GSDME: variants seen among roughly 807,000 people sequenced by gnomAD.
GSDME encodes gasdermin E, also known as gasdermin-E.
GSDME carries 44 observed loss-of-function variants against 47.5 expected under a neutral mutation model. The ratio of observed to expected loss-of-function variants is 0.93; its 90% CI spans 0.73 to 1.19. The LOEUF is 1.19. Ranked by LOEUF, GSDME falls within the 50% of genes most tolerant of loss-of-function variation. The pLI is 0.00. For missense variants in GSDME, 663 were observed against 604.2 expected (o/e 1.10, Z -1.02); for synonymous variants, 258 against 252.8 (o/e 1.02, Z -0.20).
At chr7:24,759,230 A>AT (rs1791125700), upstream of GSDME, among the ~76,000 whole-genome samples, 1 of 152,192 alleles carries the variant, frequency 6.6e-6, no homozygotes. Flanking sequence ...AGATTATTGC[A>AT]TCCCCCGCTA....
intron 1 of GSDME, among the ~76,000 whole-genome samples, chr7:24,752,938 C>T (rs1319905043): frequency 6.6e-6 from 1 of 151,990 alleles, no homozygotes; most frequent in African/African-American, 2.4e-5. Flanking sequence ...CACCAATCCT[C>T]CCCCACAGGG....
the GSDME span, among the ~76,000 whole-genome samples, chr7:24,776,175 C>T: frequency 1.1e-5 from 1 of 93,248 alleles, no homozygotes; most frequent in African/African-American, 4.8e-5. Flanking sequence ...AGTGAAACTC[C>T]ATCTCAAAAA....
chr7:24,735,796 TAAATAAATA>T lies in GSDME; in HGVS notation c.404+8757_404+8765del, dbSNP rs1344888267. On this transcript the variant is annotated intron_variant, in intron 3 of 9. Transcript: ENST00000645220. This position sits in a 1 kb window ranked among gnomAD's most constrained non-coding sequence, Gnocchi z 4.4. ...ATAAATAAATAAATAAATAAATAAA[TAAATAAATA>T]AAACTACAAAAACTTTTCAAGACAT... 7.3e-6 allele frequency among the ~76,000 whole-genome samples: 1 copy of T among 137,714 alleles called. No homozygotes were observed. Among genetic ancestry groups the T allele is most frequent in the Admixed American group, 7.4e-5 (1 of 13,494 alleles). The allele number at this position is 137,714 out of a possible 152,430, so 90.3% of individuals were successfully genotyped here.
At chr7:24,741,742 C>T (rs140436342) in intron 3 of GSDME, among the ~76,000 whole-genome samples, 5 of 152,282 alleles carry the variant, frequency 3.3e-5, no homozygotes, top group Admixed American at 2.0e-4. Flanking sequence ...GTATCAACAA[C>T]GCCTTATCAA....
chr7:24,732,441 A>G lies in GSDME; in HGVS notation c.404+12121T>C, dbSNP rs193224241. 1.6e-4 allele frequency among the ~76,000 whole-genome samples: 25 copies of G among 152,340 alleles called. No individual in the cohort carries two copies. Among genetic ancestry groups the G allele is most frequent in the Admixed American group, 1.6e-3 (24 of 15,298 alleles). On this transcript the variant is annotated intron_variant, in intron 3 of 9. Coordinates refer to ENST00000645220, the MANE Select transcript of GSDME (RefSeq NM_001127453.2). The surrounding 1 kb of genome is among the most constrained non-coding windows in gnomAD (Gnocchi z 4.8). ...GGAACACCAAAGTCAACAACTATCT[A>G]TATAAAAAAGCACCTTCATCAGAAC... is the stretch of plus-strand genomic sequence containing the variant.
the GSDME span, among the ~76,000 whole-genome samples, chr7:24,795,147 G>A: frequency 3.6e-3 from 541 of 152,248 alleles, 1 homozygote; most frequent in African/African-American, 0.013. Flanking sequence ...CAGCCGCTGC[G>A]TTAATCCTCC....
At chr7:24,701,811 T>C (rs1156764613) in intron 9 of GSDME, among the ~76,000 whole-genome samples, 2 of 152,214 alleles carry the variant, frequency 1.3e-5, no homozygotes, top group Admixed American at 1.3e-4. Flanking sequence ...AATCTTTCAG[T>C]TGTGATACCT....
rs140654275 is a variant in GSDME at position 24,721,331 on chromosome 7, A to G, written c.405-2113T>C. ...TGGTTAAGGAAATTCAAATTATAAA[A>G]ATGTCTCACACGTGATAAAAATACA... is the stretch of plus-strand genomic sequence containing the variant. On this transcript the variant is annotated intron_variant, in intron 3 of 9. Coordinates refer to ENST00000645220, the MANE Select transcript of GSDME (RefSeq NM_001127453.2). This position sits in a 1 kb window ranked among gnomAD's most constrained non-coding sequence, Gnocchi z 4.1. Among the ~76,000 whole-genome samples, 3 of 152,232 alleles carry G rather than the reference A, an allele frequency of 2.0e-5. No individual in the cohort carries two copies. Among genetic ancestry groups the G allele is most frequent in the African/African-American group, 7.2e-5 (3 of 41,462 alleles).
chr7:24,737,100 G>C (rs1205483167), intron 3 of GSDME, among the ~76,000 whole-genome samples: 1 of 151,812 alleles, frequency 6.6e-6, no homozygotes, highest in Non-Finnish European at 1.5e-5. Flanking sequence ...TAAAGAACTA[G>C]AAAATCAAGA....
At chr7:24,766,411 A>C in the GSDME span, among the ~76,000 whole-genome samples, 1 of 151,948 alleles carries the variant, frequency 6.6e-6, no homozygotes, top group Non-Finnish European at 1.5e-5. The surrounding 1 kb of genome is among the most constrained non-coding windows in gnomAD (Gnocchi z 4.2). Context: ...CCATCAACCC[A>C]TCATCTACAT....
In GSDME at chr7:24,705,961, G is replaced by A. The variant is rs1408414188; in HGVS notation, c.1183+223C>T. 13 of 616,264 alleles carry A rather than the reference G, an allele frequency of 2.1e-5. No homozygotes were observed. The highest frequency in any genetic ancestry group is 2.9e-5 in the East Asian group (1 of 34,548). 38.2% of individuals were successfully genotyped at this position (616,264 alleles called of 1,614,324 possible). A position where few individuals can be genotyped will look rare whatever the true frequency, so the allele number is the denominator to read the frequency against. The stretch of plus-strand genomic sequence containing the variant: ...GGGGGAGGAGGGAGAAGGGCCCTCC[G>A]GGAGAGTAGGGAGGCTTGTGCTGGA... On this transcript the variant is annotated intron_variant, in intron 8 of 9. Coordinates refer to ENST00000645220, the MANE Select transcript of GSDME (RefSeq NM_001127453.2). The surrounding 1 kb of genome is among the most constrained non-coding windows in gnomAD (Gnocchi z 4.1).
At position 24,739,391 on chromosome 7, in the gene GSDME, A is replaced by T. The variant is rs1399332254; in HGVS notation, c.404+5171T>A. On this transcript the variant is annotated intron_variant, in intron 3 of 9. Coordinates refer to ENST00000645220, the MANE Select transcript of GSDME (RefSeq NM_001127453.2). The surrounding 1 kb of genome is among the most constrained non-coding windows in gnomAD (Gnocchi z 5.1). ...TATGAAAATGTGCTCAACATCATTG[A>T]TCATCAGGGAAATGCAAATCAAAAC... Among the ~76,000 whole-genome samples, 3 of 152,220 alleles carry T rather than the reference A, an allele frequency of 2.0e-5. No homozygotes were observed. The highest frequency in any genetic ancestry group is 7.2e-5 in the African/African-American group (3 of 41,446).
chr7:24,728,365 C>T lies in GSDME; in HGVS notation c.405-9147G>A, dbSNP rs1456970194. ...ACCATTCAGTCAACCGGGACGCACC[C>T]TCTTCGAGATGTTTTCTTATGTGAG... On this transcript the variant is annotated intron_variant, in intron 3 of 9. Coordinates refer to ENST00000645220, the MANE Select transcript of GSDME (RefSeq NM_001127453.2). The surrounding 1 kb of genome is among the most constrained non-coding windows in gnomAD (Gnocchi z 7.2). Among the ~76,000 whole-genome samples the T allele has an allele frequency of 1.3e-5, 2 of 152,194 alleles. No individual in the cohort carries two copies. The highest frequency in any genetic ancestry group is 2.4e-5 in the African/African-American group (1 of 41,462).
At chr7:24,743,991 A>G in intron 3 of GSDME, 1 of 176,782 alleles carries the variant, frequency 5.7e-6, no homozygotes, top group Non-Finnish European at 1.2e-5. Flanking sequence ...TACATGGCAC[A>G]TAGGACGCAC....
At chr7:24,785,927 C>A in the GSDME span, among the ~76,000 whole-genome samples, 198 of 152,298 alleles carry the variant, frequency 1.3e-3, no homozygotes, top group Admixed American at 1.9e-3. Flanking sequence ...CAATATAATT[C>A]TTCCAGATGG....
At chr7:24,785,880 T>C in the GSDME span, among the ~76,000 whole-genome samples, 3 of 152,236 alleles carry the variant, frequency 2.0e-5, no homozygotes, top group Admixed American at 2.0e-4. Context: ...TGCAATCTAT[T>C]GATTCTACCG....
the GSDME span, among the ~76,000 whole-genome samples, chr7:24,790,154 C>A: frequency 6.6e-6 from 1 of 152,208 alleles, no homozygotes; most frequent in Non-Finnish European, 1.5e-5. The surrounding 1 kb of genome is among the most constrained non-coding windows in gnomAD (Gnocchi z 4.1). Context: ...CAGCTGCTAG[C>A]AAGTAGTCAA....
chr7:24,795,530 G>T, the GSDME span, among the ~76,000 whole-genome samples: 2 of 152,156 alleles, frequency 1.3e-5, no homozygotes, highest in African/African-American at 4.8e-5. Flanking sequence ...GCAAGCAGGG[G>T]TACGTGACTG....
At chr7:24,789,008 G>C in the GSDME span, among the ~76,000 whole-genome samples, 28 of 152,222 alleles carry the variant, frequency 1.8e-4, 1 homozygote, top group Admixed American at 7.9e-4. Flanking sequence ...ATCAGGGTTC[G>C]TGAATTGCTT....
Sources: gnomAD v4.1 joint callset for allele counts (sites outside exome capture counted in the v4.1 genomes callset) on GRCh38, gnomAD v4.1.1 for gene constraint, Gnocchi (gnomAD v3.1) non-coding constraint, MANE v1.5 for transcripts, NCBI Gene and HGNC (gene_info 2026-07-23, HGNC 2026-07-21) for gene names.